The following CCM2 variants were observed in gnomAD, a reference collection of about 807,000 sequenced individuals.
The protein encoded by CCM2 is cerebral cavernous malformations 2 protein.
In CCM2, 25 loss-of-function variants were observed where a neutral mutation model predicts 44.9. The observed-to-expected ratio is 0.56, with a 90% confidence interval of 0.41 to 0.78. The LOEUF (loss-of-function observed/expected upper bound fraction) is 0.78. CCM2 is among the 30% of genes least tolerant of loss of function. CCM2 has a pLI of 0.00. For synonymous variants in CCM2, 219 were observed against 241.1 expected (o/e 0.91, Z 0.85); for missense variants, 481 against 580.6 (o/e 0.83, Z 1.76).
At position 45,076,282 on chromosome 7, in the gene CCM2, G is replaced by A; in HGVS notation, c.*225G>A. On this transcript the variant is annotated 3_prime_UTR_variant, in exon 10 of 10. Coordinates refer to ENST00000258781, the MANE Select transcript of CCM2 (RefSeq NM_031443.4). The stretch of plus-strand genomic sequence containing the variant: ...AAGGCTCTTTGCCTTGTCCACCAGG[G>A]CTCAGCCAAGCCCTGCAGTGTGTCC... The A allele has an allele frequency of 2.8e-6, 2 of 712,090 alleles. No homozygotes were observed. The highest frequency in any genetic ancestry group is 2.8e-5 in the East Asian group (1 of 35,754). The allele number at this position is 712,090 out of a possible 1,614,324, so 44.1% of individuals were successfully genotyped here.
chr7:45,072,687 C>T, intron 6 of CCM2, 39 bp from the exon 7 acceptor site: 1 of 1,532,830 alleles, frequency 6.5e-7, no homozygotes, highest in South Asian at 1.1e-5. Context: ...CCCACTATGT[C>T]CCTGAAAGTC....
intron 1 of CCM2, among the ~76,000 whole-genome samples, chr7:45,035,380 C>G (rs1301494181): frequency 6.6e-6 from 1 of 152,114 alleles, no homozygotes; most frequent in Non-Finnish European, 1.5e-5. Flanking sequence ...ACTCTGAGGA[C>G]CTTTAGTCAT....
In CCM2 at chr7:45,075,759, G is replaced by C. The variant is rs1388052595; in HGVS notation, c.1055-18G>C. On this transcript the variant is annotated intron_variant, in intron 9 of 9. Transcript: ENST00000258781. ...GAGCCGAACTGGAGGTGCCATGCTG[G>C]GTGTTGTGTGTCTGCAGGTCTGAGG... The C allele has an allele frequency of 5.0e-6, 8 of 1,613,408 alleles. No individual in the cohort carries two copies. The highest frequency in any genetic ancestry group is 6.8e-6 in the Non-Finnish European group (8 of 1,179,998).
Position 45,023,805 on chromosome 7 carries a change from T to G in CCM2, c.31-14448T>G, listed in dbSNP as rs1179269264. On this transcript the variant is annotated intron_variant, in intron 1 of 9. Transcript: ENST00000258781. Reference sequence around the variant, plus strand: ...TGTATCAGTTTTTTTTTTTTTTTTTTTTTTTTTTTTTTTTTTTTTTATGAG... The same window carrying G: ...TGTATCAGTTTTTTTTTTTTTTTTTGTTTTTTTTTTTTTTTTTTTTATGAG... Among the ~76,000 whole-genome samples, 25 of 135,352 alleles carry G rather than the reference T, an allele frequency of 1.8e-4. 1 individual carries two copies. Among genetic ancestry groups the G allele is most frequent in the Admixed American group, 4.6e-4 (6 of 12,994 alleles). The allele number at this position is 135,352 out of a possible 152,430, so 88.8% of individuals were successfully genotyped here.
chr7:45,016,955 G>A (rs1037071968), intron 1 of CCM2, among the ~76,000 whole-genome samples: 1 of 151,782 alleles, frequency 6.6e-6, no homozygotes, highest in Non-Finnish European at 1.5e-5. Flanking sequence ...ATTTTTAGGA[G>A]CGACAGGGTT....
In CCM2 at chr7:45,057,533, T is replaced by C. The variant is rs1051042765; in HGVS notation, c.205-6385T>C. On this transcript the variant is annotated intron_variant, in intron 2 of 9. Coordinates refer to ENST00000258781, the MANE Select transcript of CCM2 (RefSeq NM_031443.4). ...CGCTCTTTCCATGACTGTGGTGGTG[T>C]AGTAAGTTTTGAAATCAGGAAGTAT... is the stretch of plus-strand genomic sequence containing the variant. Among the ~76,000 whole-genome samples, 6 of 152,294 alleles carry C rather than the reference T, an allele frequency of 3.9e-5. No individual in the cohort carries two copies. The South Asian group carries it at 1.2e-3, about 32-fold the overall frequency.
intron 1 of CCM2, among the ~76,000 whole-genome samples, chr7:45,015,856 AT>A (rs1796244046): frequency 6.6e-6 from 1 of 152,180 alleles, no homozygotes; most frequent in Non-Finnish European, 1.5e-5. Context: ...GGCCTTGGGC[AT>A]TCTGCCCTTT....
intron 1 of CCM2, among the ~76,000 whole-genome samples, chr7:45,031,608 AGTGCAGTG>A (rs1325495723): frequency 6.6e-6 from 1 of 151,904 alleles, no homozygotes; most frequent in Non-Finnish European, 1.5e-5. Context: ...CCCAGGCTGG[AGTGCAGTG>A]GTGTGATCAC....
intron 2 of CCM2, among the ~76,000 whole-genome samples, chr7:45,055,341 G>T (rs373285327): frequency 1.3e-5 from 2 of 152,300 alleles, no homozygotes; most frequent in Middle Eastern, 3.4e-3. Context: ...GATAGCAAAT[G>T]AAATTGAATA....
rs564494003 is a variant in CCM2, at chr7:45,050,556, C to T, written c.204+12130C>T. Reference sequence around the variant, plus strand: ...GCAGTGTTTATTCAAACTTTTTGGTCTTTGCCAGTCTGATATTCTTAAAAT... The same window carrying T: ...GCAGTGTTTATTCAAACTTTTTGGTTTTTGCCAGTCTGATATTCTTAAAAT... On this transcript the variant is annotated intron_variant, in intron 2 of 9. Transcript: ENST00000258781. Among the ~76,000 whole-genome samples the T allele has an allele frequency of 2.0e-5, 3 of 152,276 alleles. No individual in the cohort carries two copies. The South Asian group carries it at 6.2e-4, about 32-fold the overall frequency.
intron 2 of CCM2, among the ~76,000 whole-genome samples, chr7:45,054,807 G>T (rs1798181209): frequency 6.6e-6 from 1 of 152,220 alleles, no homozygotes; most frequent in African/African-American, 2.4e-5. Context: ...GCTGGGCATG[G>T]CATTGCCATA....
At chr7:45,001,951 C>T (rs1322173373) in intron 1 of CCM2, among the ~76,000 whole-genome samples, 1 of 152,062 alleles carries the variant, frequency 6.6e-6, no homozygotes, top group Non-Finnish European at 1.5e-5. Context: ...TGTGTTTTTT[C>T]TGTATTCTGC....
intron 6 of CCM2, chr7:45,071,853 G>C (rs1223305610): frequency 2.2e-6 from 1 of 456,552 alleles, no homozygotes; most frequent in Non-Finnish European, 4.4e-6. Flanking sequence ...AATTCTCCAG[G>C]GTCATCTCCC....
chr7:45,054,340 G>T (rs1037359121), intron 2 of CCM2, among the ~76,000 whole-genome samples: 1 of 152,034 alleles, frequency 6.6e-6, no homozygotes, highest in Non-Finnish European at 1.5e-5. Flanking sequence ...GAGGACTAAG[G>T]TTCTCAAAGG....
At chr7:45,067,620 G>A (rs6954591) in intron 4 of CCM2, 80,187 of 152,200 alleles carry the variant, frequency 0.53, 22,604 homozygotes, top group African/African-American at 0.74. Context: ...TTCAATGTGG[G>A]CTCATCACAT....
chr7:45,044,197 A>G, intron 2 of CCM2, among the ~76,000 whole-genome samples: 1 of 152,124 alleles, frequency 6.6e-6, no homozygotes, highest in East Asian at 1.9e-4. Context: ...GCAGTGGTGC[A>G]GGCTCCGCTC....
At chr7:45,059,594 C>T (rs537148118) in intron 2 of CCM2, among the ~76,000 whole-genome samples, 83 of 152,012 alleles carry the variant, frequency 5.5e-4, no homozygotes, top group African/African-American at 1.9e-3. Context: ...ACAAAAAATA[C>T]AAAAATTAGC....
At chr7:45,001,512 G>C (rs4720488) in intron 1 of CCM2, among the ~76,000 whole-genome samples, 132,003 of 152,304 alleles carry the variant, frequency 0.87, 57,513 homozygotes, top group African/African-American at 0.96. Context: ...GTGCTAACCC[G>C]GTGGCTGCTT....
At chr7:45,011,810 T>C (rs1796077615) in intron 1 of CCM2, among the ~76,000 whole-genome samples, 1 of 152,200 alleles carries the variant, frequency 6.6e-6, no homozygotes, top group South Asian at 2.1e-4. Flanking sequence ...CCTTGGCCTC[T>C]CTAAAAGTGC....
Sources: gnomAD v4.1 joint callset for allele counts (sites outside exome capture counted in the v4.1 genomes callset) on GRCh38, gnomAD v4.1.1 for gene constraint, MANE v1.5 for transcripts, NCBI Gene and HGNC (gene_info 2026-07-23, HGNC 2026-07-21) for gene names.